The following CDYL variants were observed in gnomAD, a reference collection of about 807,000 sequenced individuals.
CDYL encodes chromodomain Y like.
CDYL carries 8 observed loss-of-function variants against 47.3 expected under a neutral mutation model. That is an observed-to-expected ratio of 0.17 (90% CI 0.10 to 0.31). The LOEUF (loss-of-function observed/expected upper bound fraction) is 0.31. Among genes scored for constraint, CDYL ranks in the 10% least tolerant of loss-of-function variants. CDYL has a pLI of 1.00. For synonymous variants in CDYL, 266 were observed against 265.0 expected (o/e 1.00, Z -0.04); for missense variants, 471 against 701.4 (o/e 0.67, Z 3.71).
At chr6:4,775,611 G>A (rs1758416840), upstream of CDYL, among the ~76,000 whole-genome samples, 1 of 151,630 alleles carries the variant, frequency 6.6e-6, no homozygotes, top group Non-Finnish European at 1.5e-5. This position sits in a 1 kb window ranked among gnomAD's most constrained non-coding sequence, Gnocchi z 7.0. Context: ...CGGGCAGAGC[G>A]GAGGCAGCCG....
chr6:4,756,588 G>C (rs1322599112), intron 3 of CDYL, among the ~76,000 whole-genome samples: 1 of 151,390 alleles, frequency 6.6e-6, no homozygotes, highest in South Asian at 2.1e-4. Context: ...GTATGTGTGT[G>C]TGTGTGTGTG....
intron 2 of CDYL, among the ~76,000 whole-genome samples, chr6:4,933,414 T>C (rs6911199): frequency 0.69 from 104,443 of 152,014 alleles, 36,505 homozygotes; most frequent in Middle Eastern, 0.88. Context: ...CTCACATGTT[T>C]AGAGTCATCC....
intron 3 of CDYL, among the ~76,000 whole-genome samples, chr6:4,767,442 G>A (rs999796015): frequency 2.6e-5 from 4 of 152,046 alleles, no homozygotes; most frequent in Non-Finnish European, 4.4e-5. Context: ...GCGTGGTGGC[G>A]TGCGCCTATA....
chr6:4,953,241 A>G (rs1000817048), intron 6 of CDYL, among the ~76,000 whole-genome samples: 2 of 151,790 alleles, frequency 1.3e-5, no homozygotes, highest in South Asian at 4.2e-4. Flanking sequence ...AAAGTTAGCC[A>G]GGCTTGGTGG....
At chr6:4,803,596 T>A (rs1054674960) in intron 1 of CDYL, among the ~76,000 whole-genome samples, 1 of 152,020 alleles carries the variant, frequency 6.6e-6, no homozygotes, top group Non-Finnish European at 1.5e-5. Context: ...CACTTGAGAG[T>A]GTAGCCCCTG....
intron 2 of CDYL, among the ~76,000 whole-genome samples, chr6:4,894,483 T>G (rs1382616599): frequency 1.3e-5 from 2 of 152,226 alleles, no homozygotes; most frequent in Non-Finnish European, 2.9e-5. Context: ...GAGGAATATT[T>G]ACTAACGTGA....
intron 1 of CDYL, among the ~76,000 whole-genome samples, chr6:4,856,624 A>G (rs1761015971): frequency 6.6e-6 from 1 of 152,184 alleles, no homozygotes; most frequent in Non-Finnish European, 1.5e-5. Context: ...TGGCAGCGGG[A>G]AGAGCGAGAA....
At position 4,890,033 on chromosome 6, in the gene CDYL, G is replaced by C. The variant is rs890774507; in HGVS notation, c.25-1680G>C. The C allele has an allele frequency of 7.1e-6, 7 of 985,362 alleles. No homozygotes were observed. In the African/African-American group the frequency reaches 1.2e-4, roughly 17 times the overall value. 61.0% of individuals were successfully genotyped at this position (985,362 alleles called of 1,614,324 possible). Reference sequence around the variant, plus strand: ...GAAACAAAAGCAGTGTGCTCCACCAGGCTCCTGCCTCGGCTCTAAGGAAAC... The same window carrying C: ...GAAACAAAAGCAGTGTGCTCCACCACGCTCCTGCCTCGGCTCTAAGGAAAC... On this transcript the variant is annotated intron_variant, in intron 1 of 6. Coordinates refer to ENST00000397588, the MANE Select transcript of CDYL (RefSeq NM_004824.4).
chr6:4,910,860 GTCTC>G, intron 2 of CDYL, among the ~76,000 whole-genome samples: 1 of 151,290 alleles, frequency 6.6e-6, no homozygotes, highest in South Asian at 2.1e-4. Flanking sequence ...CCAAGACGGA[GTCTC>G]TCTCTGTCGC....
At chr6:4,862,254 A>G (rs78241974) in intron 1 of CDYL, among the ~76,000 whole-genome samples, 92 of 152,310 alleles carry the variant, frequency 6.0e-4, no homozygotes, top group African/African-American at 2.0e-3. Context: ...TTTGAAATAA[A>G]TATTTGTTTG....
Position 4,776,510 on chromosome 6 carries a change from G to A in CDYL, c.-274G>A, listed in dbSNP as rs1758453818. 1 of 132,292 alleles carries A rather than the reference G, an allele frequency of 7.6e-6. No homozygotes were observed. 8.2% of individuals were successfully genotyped at this position (132,292 alleles called of 1,614,324 possible). On this transcript the variant is annotated 5_prime_UTR_variant, in exon 1 of 7. Coordinates refer to ENST00000397588, the MANE Select transcript of CDYL (RefSeq NM_004824.4). ...GCCCCAGCCCGCCCGGCCCCGCGGC[G>A]GGGCGCGATGAGCCCGAGCGCGAGC...
At chr6:4,902,426 G>A (rs577441916) in intron 2 of CDYL, among the ~76,000 whole-genome samples, 2 of 149,764 alleles carry the variant, frequency 1.3e-5, no homozygotes, top group African/African-American at 4.9e-5. Flanking sequence ...AAAAAAGACA[G>A]TAGGTACTGA....
rs535125079 is a variant in CDYL, at chr6:4,902,503, G to A, written c.691+10124G>A. Among the ~76,000 whole-genome samples the A allele has an allele frequency of 3.9e-5, 6 of 152,116 alleles. No homozygotes were observed. In the South Asian group the frequency reaches 1.2e-3, roughly 32 times the overall value. On this transcript the variant is annotated intron_variant, in intron 2 of 6. Transcript: ENST00000397588. The stretch of plus-strand genomic sequence containing the variant: ...AGCGTTTGGGTGGCCCTCTGAAACA[G>A]TACACAGTCATCCTCCCAATGCAGC...
chr6:4,715,628 C>G, intron 1 of CDYL: 1 of 1,018,930 alleles, frequency 9.8e-7, no homozygotes, highest in South Asian at 2.0e-5. Context: ...GCACAAAATG[C>G]TGGCTCACTC....
At chr6:4,931,358 A>G (rs1758028875) in intron 2 of CDYL, among the ~76,000 whole-genome samples, 1 of 152,246 alleles carries the variant, frequency 6.6e-6, no homozygotes. Flanking sequence ...AGGGACCAGC[A>G]TTAGGATGGG....
At chr6:4,813,063 C>T (rs1008221378) in intron 1 of CDYL, among the ~76,000 whole-genome samples, 11 of 152,098 alleles carry the variant, frequency 7.2e-5, no homozygotes, top group African/African-American at 2.2e-4. Flanking sequence ...TTACCTTGTT[C>T]CTTTGCTGGA....
intron 1 of CDYL, among the ~76,000 whole-genome samples, chr6:4,879,565 T>G (rs1761709087): frequency 6.8e-6 from 1 of 146,908 alleles, no homozygotes; most frequent in Admixed American, 6.7e-5. Flanking sequence ...TTTTTTTTTT[T>G]TTTTTTTTTT....
intron 3 of CDYL, among the ~76,000 whole-genome samples, chr6:4,743,103 C>G (rs920668155): frequency 6.6e-6 from 1 of 152,216 alleles, no homozygotes; most frequent in Non-Finnish European, 1.5e-5. Flanking sequence ...CATCCTTTCC[C>G]TCTCCAATTG....
At chr6:4,862,031 C>G (rs752269113) in intron 1 of CDYL, among the ~76,000 whole-genome samples, 22 of 152,146 alleles carry the variant, frequency 1.4e-4, no homozygotes, top group Non-Finnish European at 2.4e-4. Flanking sequence ...TCCTCCCCGA[C>G]CCCTACTCCC....
Sources: gnomAD v4.1 joint callset for allele counts (sites outside exome capture counted in the v4.1 genomes callset) on GRCh38, gnomAD v4.1.1 for gene constraint, Gnocchi (gnomAD v3.1) non-coding constraint, MANE v1.5 for transcripts, NCBI Gene and HGNC (gene_info 2026-07-23, HGNC 2026-07-21) for gene names.